C6orf52: variants seen among roughly 807,000 people sequenced by gnomAD.
The protein encoded by C6orf52 is putative uncharacterized protein C6orf52.
In C6orf52, 16 loss-of-function variants were observed where a neutral mutation model predicts 16.6. That is an observed-to-expected ratio of 0.96 (90% confidence interval 0.65 to 1.46). The LOEUF is 1.46. C6orf52 is among the 40% of genes most tolerant of loss of function. C6orf52 has a pLI of 0.00. For synonymous variants in C6orf52, 53 were observed against 61.4 expected (o/e 0.86, Z 0.64); for missense variants, 166 against 182.3 (o/e 0.91, Z 0.52).
At chr6:10,676,079 G>A (rs1043293352) in intron 4 of C6orf52, among the ~76,000 whole-genome samples, 2 of 152,102 alleles carry the variant, frequency 1.3e-5, no homozygotes, top group Non-Finnish European at 2.9e-5. Context: ...GCAGTGAGCC[G>A]AAATCACGCC....
chr6:10,681,090 A>G (rs1768346519), intron 4 of C6orf52, among the ~76,000 whole-genome samples: 1 of 152,178 alleles, frequency 6.6e-6, no homozygotes, highest in Non-Finnish European at 1.5e-5. Flanking sequence ...GGCATTATCC[A>G]CCAGGCCTGG....
intron 4 of C6orf52, among the ~76,000 whole-genome samples, chr6:10,671,874 C>T (rs1407029165): frequency 1.3e-5 from 2 of 151,994 alleles, no homozygotes; most frequent in African/African-American, 2.4e-5. Flanking sequence ...GGGATGGATT[C>T]AATTTGGGAG....
intron 1 of C6orf52, among the ~76,000 whole-genome samples, chr6:10,692,906 G>C (rs961670823): frequency 1.6e-4 from 25 of 152,202 alleles, no homozygotes; most frequent in Non-Finnish European, 1.5e-5. Context: ...TCAGTGTCTT[G>C]AGAAGTGTTT....
intron 1 of C6orf52, among the ~76,000 whole-genome samples, chr6:10,689,304 C>G (rs977539857): frequency 6.6e-6 from 1 of 152,178 alleles, no homozygotes; most frequent in Admixed American, 6.5e-5. Flanking sequence ...CTGGTTGCAT[C>G]CAGGGATGCA....
intron 1 of C6orf52, among the ~76,000 whole-genome samples, chr6:10,688,219 C>T (rs1769019670): frequency 6.6e-6 from 1 of 150,754 alleles, no homozygotes; most frequent in African/African-American, 2.5e-5. Flanking sequence ...TTAAAAAAAG[C>T]ATAAAACTTC....
Position 10,686,891 on chromosome 6 carries a change from G to A in C6orf52, c.270+75C>T, listed in dbSNP as rs1768906856. The A allele has an allele frequency of 1.3e-5, 14 of 1,095,178 alleles. 1 individual carries two copies. The highest frequency in any genetic ancestry group is 1.0e-5 in the Non-Finnish European group (8 of 768,518). The allele number at this position is 1,095,178 out of a possible 1,614,324, so 67.8% of individuals were successfully genotyped here. A position where few individuals can be genotyped will look rare whatever the true frequency, so the allele number is the denominator to read the frequency against. On this transcript the variant is annotated intron_variant, in intron 3 of 4. Coordinates refer to ENST00000259983, the MANE Select transcript of C6orf52 (RefSeq NM_001145020.3). ...GGAATTTGGATGACAGGACACAGAT[G>A]TGTGAAGATAGGAAAGTGATGTTTA... is the stretch of plus-strand genomic sequence containing the variant.
chr6:10,681,848 C>T (rs1401561538), intron 4 of C6orf52, among the ~76,000 whole-genome samples: 2 of 152,242 alleles, frequency 1.3e-5, no homozygotes, highest in Non-Finnish European at 2.9e-5. Context: ...GGAGAACCTC[C>T]AACCTGCCCA....
At chr6:10,677,855 T>A (rs9461031) in intron 4 of C6orf52, among the ~76,000 whole-genome samples, 32,696 of 151,710 alleles carry the variant, frequency 0.22, 10,143 homozygotes, top group African/African-American at 0.69. Context: ...TATTTCTATG[T>A]AGAATGCCAT....
At chr6:10,687,629 C>T (rs1366712204) in intron 1 of C6orf52, 68 bp from the exon 2 acceptor site, 2 of 887,490 alleles carry the variant, frequency 2.3e-6, no homozygotes, top group Non-Finnish European at 3.6e-6. Flanking sequence ...GGGCTGAAAC[C>T]TCTCAATCCT....
intron 1 of C6orf52, among the ~76,000 whole-genome samples, chr6:10,693,849 C>A (rs1258319818): frequency 6.6e-6 from 1 of 152,214 alleles, no homozygotes; most frequent in Non-Finnish European, 1.5e-5. Context: ...CCACCTCAGC[C>A]TTCCGAGTTG....
At chr6:10,686,900 T>C (rs1362565714) in intron 3 of C6orf52, 66 bp downstream of exon 3, 10 of 1,186,978 alleles carry the variant, frequency 8.4e-6, no homozygotes, top group East Asian at 7.7e-5. Context: ...TGTGTGAAGA[T>C]AGGAAAGTGA....
intron 3 of C6orf52, among the ~76,000 whole-genome samples, chr6:10,686,045 T>G (rs1384153112): frequency 6.6e-6 from 1 of 152,114 alleles, no homozygotes; most frequent in Non-Finnish European, 1.5e-5. Context: ...AAAATCGCAA[T>G]GTATCTAACT....
chr6:10,689,791 T>C (rs1381862559), intron 1 of C6orf52, among the ~76,000 whole-genome samples: 1 of 152,208 alleles, frequency 6.6e-6, no homozygotes, highest in East Asian at 1.9e-4. Context: ...CAAGACAGAA[T>C]GAGTCTAGGT....
At chr6:10,681,727 G>A (rs1158143176) in intron 4 of C6orf52, among the ~76,000 whole-genome samples, 1 of 152,216 alleles carries the variant, frequency 6.6e-6, no homozygotes, top group African/African-American at 2.4e-5. Context: ...GAGCTAGTAG[G>A]TAGAATCTGA....
At chr6:10,681,823 T>C (rs1768426564) in intron 4 of C6orf52, among the ~76,000 whole-genome samples, 1 of 152,202 alleles carries the variant, frequency 6.6e-6, no homozygotes, top group Admixed American at 6.5e-5. Context: ...CCTAGGCAAA[T>C]AGGGTAAGGT....
At chr6:10,688,752 A>G (rs918222634) in intron 1 of C6orf52, among the ~76,000 whole-genome samples, 1 of 152,242 alleles carries the variant, frequency 6.6e-6, no homozygotes, top group East Asian at 1.9e-4. Context: ...CACCAGTAGT[A>G]TCCAGCATGT....
chr6:10,676,095 G>C (rs534761397), intron 4 of C6orf52, among the ~76,000 whole-genome samples: 21 of 152,156 alleles, frequency 1.4e-4, no homozygotes. Flanking sequence ...ACGCCACTGC[G>C]TTCCAGCCTA....
chr6:10,694,590 C>CTGG lies in C6orf52; in HGVS notation c.-109_-108insCCA. The CTGG allele has an allele frequency of 1.2e-5, 2 of 172,404 alleles. No homozygotes were observed. Among genetic ancestry groups the CTGG allele is most frequent in the East Asian group, 1.7e-4 (1 of 6,034 alleles). 10.7% of individuals were successfully genotyped at this position (172,404 alleles called of 1,614,324 possible). A position where few individuals can be genotyped will look rare whatever the true frequency, so the allele number is the denominator to read the frequency against. On this transcript the variant is annotated 5_prime_UTR_variant, in exon 1 of 5. Coordinates refer to ENST00000259983, the MANE Select transcript of C6orf52 (RefSeq NM_001145020.3). ...ACAACAATGCACGCTGCCGGCGCTACAGCCCCTAAGCAACCGGCCGGAAGT... is the reference window on the plus strand; with the variant it reads ...ACAACAATGCACGCTGCCGGCGCTACTGGAGCCCCTAAGCAACCGGCCGGAAGT...
chr6:10,687,685 G>A, intron 1 of C6orf52, 124 bp from the exon 2 acceptor site: 1 of 672,000 alleles, frequency 1.5e-6, no homozygotes, highest in Non-Finnish European at 2.7e-6. Flanking sequence ...ACATTTAGTG[G>A]CAATTCCTGC....
Sources: gnomAD v4.1 joint callset for allele counts (sites outside exome capture counted in the v4.1 genomes callset) on GRCh38, gnomAD v4.1.1 for gene constraint, MANE v1.5 for transcripts, NCBI Gene and HGNC (gene_info 2026-07-23, HGNC 2026-07-21) for gene names.